The following STARD13 variants were observed in gnomAD, a reference collection of about 807,000 sequenced individuals.
The protein encoded by STARD13 is stAR-related lipid transfer protein 13.
A neutral mutation model predicts 106.4 loss-of-function variants in STARD13; 62 were observed. That is an observed-to-expected ratio of 0.58 (90% confidence interval 0.48 to 0.72). STARD13 has a LOEUF of 0.72. Among genes scored for constraint, STARD13 ranks in the 30% least tolerant of loss-of-function variants. STARD13 has a pLI of 0.00. For missense variants in STARD13, 1,387 were observed against 1,424.0 expected (o/e 0.97, Z 0.42); for synonymous variants, 565 against 553.0 (o/e 1.02, Z -0.31).
At chr13:33,134,852 A>G (rs1878837837) in intron 4 of STARD13, among the ~76,000 whole-genome samples, 1 of 152,254 alleles carries the variant, frequency 6.6e-6, no homozygotes, top group Non-Finnish European at 1.5e-5. Context: ...TCTTCAGGAT[A>G]AAACGAACAT....
chr13:33,357,618 C>G, the STARD13 span, among the ~76,000 whole-genome samples: 1 of 152,150 alleles, frequency 6.6e-6, no homozygotes, highest in Non-Finnish European at 1.5e-5. Context: ...ATGATTTGAT[C>G]AAGATCATCA....
the STARD13 span, among the ~76,000 whole-genome samples, chr13:33,445,150 T>C: frequency 6.6e-6 from 1 of 152,200 alleles, no homozygotes; most frequent in East Asian, 1.9e-4. Flanking sequence ...CTAGTCAAAC[T>C]AGAAAGCAGT....
the STARD13 span, among the ~76,000 whole-genome samples, chr13:33,627,229 T>C: frequency 6.6e-6 from 1 of 152,248 alleles, no homozygotes; most frequent in Non-Finnish European, 1.5e-5. Flanking sequence ...GCAAACATTA[T>C]GTAAGTAGTT....
the STARD13 span, among the ~76,000 whole-genome samples, chr13:33,367,844 A>G: frequency 3.3e-5 from 5 of 152,156 alleles, no homozygotes; most frequent in East Asian, 7.7e-4. Flanking sequence ...AAGGATTTCA[A>G]ATTGAACTAC....
the STARD13 span, among the ~76,000 whole-genome samples, chr13:33,463,887 A>C: frequency 0.3 from 45,141 of 151,090 alleles, 7,429 homozygotes; most frequent in Non-Finnish European, 0.39. Flanking sequence ...TGGCGGGTAC[A>C]TGTAATCCCA....
At chr13:33,160,682 A>T (rs974678306) in intron 3 of STARD13, among the ~76,000 whole-genome samples, 2 of 152,218 alleles carry the variant, frequency 1.3e-5, no homozygotes, top group Admixed American at 6.5e-5. Flanking sequence ...GCACATATTC[A>T]ACATTATTAG....
At chr13:33,175,466 C>A (rs1486409229) in intron 1 of STARD13, among the ~76,000 whole-genome samples, 1 of 152,164 alleles carries the variant, frequency 6.6e-6, no homozygotes, top group African/African-American at 2.4e-5. Context: ...TCTTCAGTAA[C>A]CCTTCTTGGG....
At chr13:33,360,726 A>AATCCTTCTGTGTAGACAGAAGGATTCCTT in the STARD13 span, among the ~76,000 whole-genome samples, 1 of 134,638 alleles carries the variant, frequency 7.4e-6, no homozygotes, top group Non-Finnish European at 1.6e-5. Context: ...AGACAGAAGG[A>AATCCTTCTGTGTAGACAGAAGGATTCCTT]CATATTGTTG....
chr13:33,399,922 T>C, the STARD13 span, among the ~76,000 whole-genome samples: 2 of 152,134 alleles, frequency 1.3e-5, no homozygotes, highest in Middle Eastern at 3.2e-3. Context: ...CTATTCATTT[T>C]TTAATTTAAA....
the STARD13 span, among the ~76,000 whole-genome samples, chr13:33,629,848 C>G: frequency 6.6e-6 from 1 of 152,162 alleles, no homozygotes; most frequent in Non-Finnish European, 1.5e-5. Flanking sequence ...ATCTGAAACA[C>G]TATCTCCGGT....
the STARD13 span, among the ~76,000 whole-genome samples, chr13:33,673,936 T>C: frequency 2.0e-5 from 3 of 149,152 alleles, no homozygotes; most frequent in Non-Finnish European, 4.5e-5. Context: ...TCTCGGCTCA[T>C]GGCAACCTCC....
At chr13:33,358,818 C>T in the STARD13 span, among the ~76,000 whole-genome samples, 10 of 151,980 alleles carry the variant, frequency 6.6e-5, no homozygotes, top group African/African-American at 2.4e-4. Flanking sequence ...CTGTATCTAG[C>T]TCAAGGTTTG....
chr13:33,142,750 G>A (rs1880005915), intron 3 of STARD13, among the ~76,000 whole-genome samples: 1 of 152,122 alleles, frequency 6.6e-6, no homozygotes, highest in African/African-American at 2.4e-5. Context: ...TCTAAATATG[G>A]ATCAACACAA....
chr13:33,137,494 A>C (rs1198565523), intron 4 of STARD13, among the ~76,000 whole-genome samples: 2 of 152,224 alleles, frequency 1.3e-5, no homozygotes, highest in Non-Finnish European at 2.9e-5. Context: ...GGGGAAATCC[A>C]TATTCTGTGC....
At chr13:33,541,402 C>T in the STARD13 span, among the ~76,000 whole-genome samples, 12 of 152,276 alleles carry the variant, frequency 7.9e-5, 1 homozygote, top group Admixed American at 3.3e-4. Flanking sequence ...TATCCTGCCT[C>T]CTTCTTGCCC....
At chr13:33,441,009 C>T in the STARD13 span, among the ~76,000 whole-genome samples, 2 of 151,880 alleles carry the variant, frequency 1.3e-5, no homozygotes, top group African/African-American at 4.8e-5. Flanking sequence ...CTCCTCCCCT[C>T]CCACCTCCTC....
rs145755189 is a variant in STARD13 at position 33,268,445 on chromosome 13, A to G, written c.169+17025T>C. ...TCCTTTTTTGTTTTCCCTTTAAAGT[A>G]ACACACACTGAGCCCTGAGTAAGAG... On this transcript the variant is annotated intron_variant, in intron 1 of 13. Coordinates refer to ENST00000336934, the MANE Select transcript of STARD13 (RefSeq NM_178006.4). Among the ~76,000 whole-genome samples, 48 of 152,364 alleles carry G rather than the reference A, an allele frequency of 3.2e-4. No individual in the cohort carries two copies. In the East Asian group the frequency reaches 8.7e-3, roughly 28 times the overall value.
chr13:33,629,789 G>C, the STARD13 span, among the ~76,000 whole-genome samples: 1 of 151,772 alleles, frequency 6.6e-6, no homozygotes, highest in Non-Finnish European at 1.5e-5. Context: ...AGGAATAGCT[G>C]GGCAAAAAAT....
intron 1 of STARD13, among the ~76,000 whole-genome samples, chr13:33,172,099 T>C (rs1457058936): frequency 6.6e-6 from 1 of 152,224 alleles, no homozygotes; most frequent in East Asian, 1.9e-4. Context: ...AAAAGTCAAC[T>C]CTTGCCCCAT....
Sources: allele counts gnomAD v4.1 joint callset (sites outside exome capture counted in the v4.1 genomes callset), GRCh38; gene constraint gnomAD v4.1.1; transcripts MANE v1.5; gene names NCBI Gene and HGNC (gene_info 2026-07-23, HGNC 2026-07-21).